Variants in GOLGA6L2 observed in about 807,000 individuals in gnomAD.
GOLGA6L2 encodes the protein golgin subfamily A member 6-like protein 2.
GOLGA6L2 carries 30 observed loss-of-function variants against 35.9 expected under a neutral mutation model. The ratio of observed to expected loss-of-function variants is 0.83; its 90% CI spans 0.62 to 1.13. The LOEUF (loss-of-function observed/expected upper bound fraction) is 1.13, where lower values mean the gene tolerates loss of function less well. Among genes scored for constraint, GOLGA6L2 ranks in the 50% most tolerant of loss-of-function variants. The pLI, the probability that GOLGA6L2 is intolerant of heterozygous loss-of-function variation, is 0.00. For synonymous variants in GOLGA6L2, 297 were observed against 344.0 expected, an observed-to-expected ratio of 0.86 and a Z score of 1.51; for missense variants, 821 against 973.4, an observed-to-expected ratio of 0.84 and a Z score of 2.08.
chr15:23,444,416 A>G, intron 3 of GOLGA6L2, 55 bp downstream of exon 3: 6 of 1,581,586 alleles, frequency 3.8e-6, no homozygotes, highest in Non-Finnish European at 5.2e-6. Flanking sequence ...GGGCCTCTAC[A>G]TCTGAGTGCC....
In GOLGA6L2 at chr15:23,441,994, C is replaced by T; in HGVS notation, c.777G>A (p.Lys259=). Residue 259 remains lysine (K), a synonymous_variant, in exon 7 of 8, where the codon AAG becomes AAA. Coordinates refer to ENST00000567107, the MANE Select transcript of GOLGA6L2 (RefSeq NM_001304388.2). ...AGCCGCTCACCTGTGGCAGCAGGAA[C>T]TTGGCCCTCTCCAGTTTCCTTTTTA... ...KELKRKLERA[K]FLLPQVQTNT... The T allele has an allele frequency of 6.5e-7, 1 of 1,545,082 alleles. No homozygotes were observed. The highest frequency in any genetic ancestry group is 8.7e-7 in the Non-Finnish European group (1 of 1,152,806).
chr15:23,443,753 G>A (rs1255247812), intron 5 of GOLGA6L2, 24 bp downstream of exon 5: 2 of 1,516,896 alleles, frequency 1.3e-6, no homozygotes, highest in Non-Finnish European at 1.8e-6. Context: ...GATCCCAGGA[G>A]ACTGGGGAGG....
chr15:23,444,347 T>C, intron 3 of GOLGA6L2, 124 bp downstream of exon 3: 1 of 1,472,244 alleles, frequency 6.8e-7, no homozygotes, highest in Non-Finnish European at 9.4e-7. Context: ...CCTGTGGGGA[T>C]GGGGTGGAAT....
intron 6 of GOLGA6L2, 26 bp from the exon 7 acceptor site, chr15:23,442,146 G>A (rs1274272061): frequency 3.2e-6 from 5 of 1,569,592 alleles, no homozygotes; most frequent in East Asian, 2.2e-5. Context: ...GTAGAGAAAG[G>A]AATGAACGAA....
rs1351852801 is a variant in GOLGA6L2 at position 23,441,286 on chromosome 15, C to T, written c.1189G>A (p.Glu397Lys). 6 of 1,537,530 alleles carry T rather than the reference C, an allele frequency of 3.9e-6. No individual in the cohort carries two copies. The highest frequency in any genetic ancestry group is 1.4e-5 in the African/African-American group (1 of 72,292). Reference sequence around the variant, plus strand: ...CTCTCGTCCTGCTCCCACATCCTCTCCTCTTGGTCCCGCATCTTCTGCTCC... The same window carrying T: ...CTCTCGTCCTGCTCCCACATCCTCTTCTCTTGGTCCCGCATCTTCTGCTCC... The part of the protein sequence containing the change: ...EQEQKMRDQE[E>K]RMWEQDERLR... The change falls in exon 8 of 8, where the codon GAG becomes AAG. Residue 397 changes from glutamate (E) to lysine (K), a missense_variant. Coordinates refer to ENST00000567107, the MANE Select transcript of GOLGA6L2 (RefSeq NM_001304388.2).
Position 23,440,788 on chromosome 15 carries a change from C to G in GOLGA6L2, c.1687G>C (p.Gly563Arg), listed in dbSNP as rs2070664200. The G allele has an allele frequency of 6.5e-7, 1 of 1,528,498 alleles. No individual in the cohort carries two copies. The highest frequency in any genetic ancestry group is 1.4e-5 in the African/African-American group (1 of 72,394). The allele number at this position is 1,528,498 out of a possible 1,614,324, so 94.7% of individuals were successfully genotyped here. ...GAGEADVGAG[G>R]EDAGSGAEDV... ...TCTGCTCCTGATCCCGCATCTTCTCCTCCTGCTCCCACATCTGCTTCTCCT... is the reference window on the plus strand; with the variant it reads ...TCTGCTCCTGATCCCGCATCTTCTCGTCCTGCTCCCACATCTGCTTCTCCT... Residue 563 changes from glycine to arginine, a missense_variant, in exon 8 of 8, where the codon GGA becomes CGA. Around this residue, in one of 7 missense-constraint regions of GOLGA6L2, gnomAD observed 614 missense variants for 632.3 expected, o/e 0.97. Coordinates refer to ENST00000567107, the MANE Select transcript of GOLGA6L2 (RefSeq NM_001304388.2).
rs1194061417 is a variant in GOLGA6L2, at chr15:23,439,709, C to G, written c.*36G>C. 1.3e-6 allele frequency: 2 copies of G among 1,537,364 alleles called. No individual in the cohort carries two copies. Among genetic ancestry groups the G allele is most frequent in the East Asian group, 4.9e-5 (2 of 40,910 alleles). Reference sequence around the variant, plus strand: ...CTGCGGAGAACCCTCCCCAGCCTCTCCTCCTGCAGGCTCCACACTGCCAGT... The same window carrying G: ...CTGCGGAGAACCCTCCCCAGCCTCTGCTCCTGCAGGCTCCACACTGCCAGT... On this transcript the variant is annotated 3_prime_UTR_variant, in exon 8 of 8. Coordinates refer to ENST00000567107, the MANE Select transcript of GOLGA6L2 (RefSeq NM_001304388.2).
chr15:23,441,873 AAATTTTCC>A (rs2070697609), intron 7 of GOLGA6L2, 98 bp downstream of exon 7: 2 of 1,443,060 alleles, frequency 1.4e-6, no homozygotes, highest in Admixed American at 5.4e-5. Context: ...ACAAGGACCC[AAATTTTCC>A]AGCTCTTGGC....
Position 23,441,669 on chromosome 15 carries a change from G to A in GOLGA6L2, c.806C>T (p.Thr269Ile), listed in dbSNP as rs541512484. 3.9e-5 allele frequency: 59 copies of A among 1,516,454 alleles called. 1 individual carries two copies. The South Asian group carries it at 7.1e-4, about 18-fold the overall frequency. 93.9% of individuals were successfully genotyped at this position (1,516,454 alleles called of 1,614,324 possible). A position where few individuals can be genotyped will look rare whatever the true frequency, so the allele number is the denominator to read the frequency against. ...CTGCCTCCACATCTCCTCCTGCAAA[G>A]TGTTGGTTTGAACCTCAAAAGGAAA... ...KFLLPQVQTN[T>I]LQEEMWRQEE... Residue 269 changes from threonine (T) to isoleucine (I), a missense_variant, in exon 8 of 8, where the codon ACT becomes ATT. By Grantham distance (89) the Thr-to-Ile change is moderately conservative. Transcript: ENST00000567107.
In GOLGA6L2 at chr15:23,440,885, C is replaced by T. The variant is rs1162601361; in HGVS notation, c.1590G>A (p.Glu530=). 1.3e-6 allele frequency: 2 copies of T among 1,492,884 alleles called. No individual in the cohort carries two copies. Among genetic ancestry groups the T allele is most frequent in the South Asian group, 1.3e-5 (1 of 79,532 alleles). The allele number at this position is 1,492,884 out of a possible 1,614,324, so 92.5% of individuals were successfully genotyped here. A position where few individuals can be genotyped will look rare whatever the true frequency, so the allele number is the denominator to read the frequency against. The change falls in exon 8 of 8, where the codon GAG becomes GAA. Residue 530 remains glutamate (E), a synonymous_variant. Coordinates refer to ENST00000567107, the MANE Select transcript of GOLGA6L2 (RefSeq NM_001304388.2). The stretch of plus-strand genomic sequence containing the variant: ...TCTTCTCCTGCCGCCACATCTTCTT[C>T]TCCTGCCCCCACATCTCCTCCTGGT... ...IRDQEEMWGQ[E]KKMWRQEKMR...
At position 23,441,539 on chromosome 15, in the gene GOLGA6L2, C is replaced by T. The variant is rs2070692039; in HGVS notation, c.936G>A (p.Gln312=). The change falls in exon 8 of 8, where the codon CAG becomes CAA. Residue 312 remains glutamine (Q), a synonymous_variant. Coordinates refer to ENST00000567107, the MANE Select transcript of GOLGA6L2 (RefSeq NM_001304388.2). The part of the protein sequence containing the change: ...LREQEGKMRE[Q]EEKMRRQEKR... The stretch of plus-strand genomic sequence containing the variant: ...TCTCCTGTCTCCGCATCTTCTCCTC[C>T]TGCTCCCGCATCTTCCCCTCCTGCT... 4.2e-6 allele frequency: 6 copies of T among 1,429,200 alleles called. No individual in the cohort carries two copies. The highest frequency in any genetic ancestry group is 2.8e-5 in the East Asian group (1 of 36,244). The allele number at this position is 1,429,200 out of a possible 1,614,324, so 88.5% of individuals were successfully genotyped here.
chr15:23,446,463 A>T (rs1469083471), intron 1 of GOLGA6L2, among the ~76,000 whole-genome samples: 55 of 152,140 alleles, frequency 3.6e-4, no homozygotes, highest in Admixed American at 3.4e-3. Flanking sequence ...CACTTAGGGG[A>T]CGGGTCCTAA....
At chr15:23,447,074 G>A (rs760693633) in intron 1 of GOLGA6L2, 24 bp downstream of exon 1, 2 of 1,322,232 alleles carry the variant, frequency 1.5e-6, no homozygotes, top group Non-Finnish European at 1.1e-6. Context: ...TGGGGTTGGG[G>A]TGCCGCAACC....
rs1193664964 is a variant in GOLGA6L2 at position 23,444,160 on chromosome 15, A to G, written c.294+2T>C. 1 of 1,603,794 alleles carries G rather than the reference A, an allele frequency of 6.2e-7. No individual in the cohort carries two copies. Among genetic ancestry groups the G allele is most frequent in the Non-Finnish European group, 8.5e-7 (1 of 1,179,046 alleles). ...GGAGGGAACTTCACACCCTCCACTCACCTCTATCTCCCGCCTTAGGGCTTC... is the reference window on the plus strand; with the variant it reads ...GGAGGGAACTTCACACCCTCCACTCGCCTCTATCTCCCGCCTTAGGGCTTC... On this transcript the variant is annotated splice_donor_variant, in intron 4 of 7. Coordinates refer to ENST00000567107, the MANE Select transcript of GOLGA6L2 (RefSeq NM_001304388.2). LOFTEE classifies it high-confidence loss of function.
rs546280131 is a variant in GOLGA6L2, at chr15:23,441,893, G to T, written c.792+86C>A. On this transcript the variant is annotated intron_variant, in intron 7 of 7. Transcript: ENST00000567107. ...GACCCAAATTTTCCAGCTCTTGGCT[G>T]GACCCTCCCCATACCTTGCATGATC... The T allele has an allele frequency of 1.8e-5, 26 of 1,473,052 alleles. No individual in the cohort carries two copies. The Admixed American group carries it at 5.5e-4, about 31-fold the overall frequency. The allele number at this position is 1,473,052 out of a possible 1,614,324, so 91.2% of individuals were successfully genotyped here.
Position 23,444,185 on chromosome 15 carries a change from C to T in GOLGA6L2, c.271G>A (p.Glu91Lys). 1 of 1,604,890 alleles carries T rather than the reference C, an allele frequency of 6.2e-7. No individual in the cohort carries two copies. Among genetic ancestry groups the T allele is most frequent in the South Asian group, 1.1e-5 (1 of 90,918 alleles). ...EEKKASHQHQEALRREIEAQD... is the reference protein window; with the variant it reads ...EEKKASHQHQKALRREIEAQD... ...ACCTCTATCTCCCGCCTTAGGGCTT[C>T]CTGATGTTGGTGGCTTGCCTTCTTT... Residue 91 changes from glutamate to lysine, a missense_variant, in exon 4 of 8, where the codon GAA (glutamate) becomes AAA (lysine). Glu to Lys is a moderately conservative substitution (Grantham distance 56, BLOSUM62 1). This residue lies in a region of GOLGA6L2 where 614 missense variants were observed against 632.3 expected (regional missense o/e 0.97). Transcript: ENST00000567107.
chr15:23,441,582 T>C lies in GOLGA6L2; in HGVS notation c.893A>G (p.Gln298Arg), dbSNP rs78649921. The C allele has an allele frequency of 6.5e-7, 1 of 1,548,772 alleles. No homozygotes were observed. The highest frequency in any genetic ancestry group is 1.4e-5 in the African/African-American group (1 of 72,818). The change falls in exon 8 of 8, where the codon CAG (glutamine) becomes CGG (arginine). Residue 298 changes from glutamine (Q) to arginine (R), a missense_variant. Transcript: ENST00000567107. ...CTCCTGCTCCCGCAGTCTCTCCTCC[T>C]GTCTCCACATCTTCTCCTCCTGCTT... The part of the protein sequence containing the change: ...IRKQEEKMWR[Q>R]EERLREQEGK...
intron 5 of GOLGA6L2, 111 bp downstream of exon 5, chr15:23,443,666 C>T (rs1352924274): frequency 1.1e-6 from 1 of 901,634 alleles, no homozygotes; most frequent in African/African-American, 1.6e-5. Flanking sequence ...CAAGAAATGA[C>T]CCATACTATC....
At position 23,439,540 on chromosome 15, in the gene GOLGA6L2, C is replaced by T. The variant is rs1051262777; in HGVS notation, c.*205G>A. On this transcript the variant is annotated 3_prime_UTR_variant, in exon 8 of 8. Transcript: ENST00000567107. ...CTGTAGGCCTTGTTGACAGTGCCAA[C>T]TTTTAGATATTGATGATCTTCATCT... 3 of 1,494,164 alleles carry T rather than the reference C, an allele frequency of 2.0e-6. No homozygotes were observed. Among genetic ancestry groups the T allele is most frequent in the Non-Finnish European group, 8.9e-7 (1 of 1,120,012 alleles). The allele number at this position is 1,494,164 out of a possible 1,614,324, so 92.6% of individuals were successfully genotyped here.
Sources: allele counts gnomAD v4.1 joint callset (sites outside exome capture counted in the v4.1 genomes callset), GRCh38; gene constraint gnomAD v4.1.1; regional missense constraint gnomAD v4.1.1; transcripts MANE v1.5; gene names NCBI Gene and HGNC (gene_info 2026-07-23, HGNC 2026-07-21).